The following SH2D4B variants were observed in gnomAD, a reference collection of about 807,000 sequenced individuals.
SH2D4B encodes SH2 domain-containing protein 4B.
SH2D4B carries 45 observed loss-of-function variants against 61.5 expected under a neutral mutation model. The ratio of observed to expected loss-of-function variants is 0.73; its 90% CI spans 0.58 to 0.94. The LOEUF (loss-of-function observed/expected upper bound fraction) is 0.94, where lower values mean the gene tolerates loss of function less well. Ranked by LOEUF, SH2D4B falls within the 40% of genes least tolerant of loss-of-function variation. The pLI, the probability that SH2D4B is intolerant of heterozygous loss-of-function variation, is 0.00. For synonymous variants in SH2D4B, 224 were observed against 220.4 expected (o/e 1.02, Z -0.14); for missense variants, 572 against 574.2 (o/e 1.00, Z 0.04).
Position 80,644,029 on chromosome 10 carries a change from C to T in SH2D4B, c.1246C>T (p.Gln416Ter). 6.2e-7 allele frequency: 1 copy of T among 1,613,912 alleles called. No individual in the cohort carries two copies. Among genetic ancestry groups the T allele is most frequent in the South Asian group, 1.1e-5 (1 of 91,066 alleles). Residue 416 changes from glutamine (Q) to a stop codon, truncating the protein, a stop_gained, in exon 8 of 8, where the codon CAG becomes TAG. Coordinates refer to ENST00000646907, the MANE Select transcript of SH2D4B (RefSeq NM_001388272.1). LOFTEE classifies it high-confidence loss of function. ...IITVSGGELLQEPCGQRDSPP... is the reference protein window; with the variant it reads ...IITVSGGELL ...CACTGTTTCAGGAGGAGAGTTACTT[C>T]AGGAACCCTGCGGACAGAGGGACAG...
At chr10:80,637,990 C>A (rs1286053108) in intron 7 of SH2D4B, among the ~76,000 whole-genome samples, 1 of 152,166 alleles carries the variant, frequency 6.6e-6, no homozygotes, top group Non-Finnish European at 1.5e-5. Context: ...GAGTTTTTAG[C>A]ATGAAGGGCT....
chr10:80,562,786 G>T (rs1325134714), intron 1 of SH2D4B, among the ~76,000 whole-genome samples: 1 of 149,294 alleles, frequency 6.7e-6, no homozygotes, highest in Non-Finnish European at 1.5e-5. Flanking sequence ...TTCCACATTT[G>T]TTACCTTTCA....
chr10:80,588,048 C>A (rs1210849097), intron 3 of SH2D4B, among the ~76,000 whole-genome samples: 1 of 152,092 alleles, frequency 6.6e-6, no homozygotes, highest in Non-Finnish European at 1.5e-5. Context: ...ACTAAAACAC[C>A]AGGGTTCCAT....
At chr10:80,565,037 G>T (rs529084108) in intron 1 of SH2D4B, among the ~76,000 whole-genome samples, 147 of 152,322 alleles carry the variant, frequency 9.7e-4, no homozygotes, top group Admixed American at 2.0e-3. Flanking sequence ...TTGGTCACAG[G>T]TTGGCATTTG....
Position 80,571,420 on chromosome 10 carries a change from T to C in SH2D4B, c.348-11T>C. 1.2e-6 allele frequency: 2 copies of C among 1,613,428 alleles called. No homozygotes were observed. Among genetic ancestry groups the C allele is most frequent in the Non-Finnish European group, 1.7e-6 (2 of 1,179,636 alleles). Reference sequence around the variant, plus strand: ...TCACACAAGCTTATACCTGTGGTGCTCTCTTGGTAGGAGACAGAAGGAGGC... The same window carrying C: ...TCACACAAGCTTATACCTGTGGTGCCCTCTTGGTAGGAGACAGAAGGAGGC... On this transcript the variant is annotated splice_polypyrimidine_tract_variant and intron_variant, in intron 2 of 7. Transcript: ENST00000646907.
chr10:80,631,747 A>G (rs989618668), intron 6 of SH2D4B, among the ~76,000 whole-genome samples: 5 of 147,230 alleles, frequency 3.4e-5, no homozygotes, highest in Admixed American at 1.4e-4. Flanking sequence ...TGTGGAATCT[A>G]AAAACATTGA....
chr10:80,566,573 T>C (rs118111066), intron 1 of SH2D4B, among the ~76,000 whole-genome samples: 3,640 of 152,134 alleles, frequency 0.024, 57 homozygotes, highest in Non-Finnish European at 0.037. Context: ...TGGGATTACA[T>C]GCGTGAGCCA....
intron 1 of SH2D4B, among the ~76,000 whole-genome samples, chr10:80,565,108 G>A (rs942269105): frequency 6.6e-6 from 1 of 152,166 alleles, no homozygotes; most frequent in African/African-American, 2.4e-5. Context: ...ATGGCCGCTG[G>A]GATTGGCCAA....
intron 5 of SH2D4B, among the ~76,000 whole-genome samples, chr10:80,604,235 C>G: frequency 6.6e-6 from 1 of 152,162 alleles, no homozygotes; most frequent in East Asian, 1.9e-4. Flanking sequence ...CAGTTTTTCT[C>G]CAATTGGAAT....
At position 80,600,521 on chromosome 10, in the gene SH2D4B, A is replaced by ATGTGTGTG. The variant is rs67885510; in HGVS notation, c.644-3033_644-3026dup. On this transcript the variant is annotated intron_variant, in intron 4 of 7. Coordinates refer to ENST00000646907, the MANE Select transcript of SH2D4B (RefSeq NM_001388272.1). Reference sequence around the variant, plus strand: ...TGGTGGAGCTACAGTGCAGAGTGGCATGTGTGTGTGTGTGTGTGTGTGTGT... The same window carrying ATGTGTGTG: ...TGGTGGAGCTACAGTGCAGAGTGGCATGTGTGTGTGTGTGTGTGTGTGTGTGTGTGTGT... Among the ~76,000 whole-genome samples the ATGTGTGTG allele has an allele frequency of 1.2e-3, 157 of 127,972 alleles. 1 individual carries two copies. Among genetic ancestry groups the ATGTGTGTG allele is most frequent in the South Asian group, 4.4e-3 (15 of 3,396 alleles). 84.0% of individuals were successfully genotyped at this position (127,972 alleles called of 152,430 possible). A position where few individuals can be genotyped will look rare whatever the true frequency, so the allele number is the denominator to read the frequency against.
chr10:80,577,578 C>T (rs1329920022), intron 3 of SH2D4B, among the ~76,000 whole-genome samples: 1 of 152,106 alleles, frequency 6.6e-6, no homozygotes, highest in East Asian at 1.9e-4. Flanking sequence ...AGGTGCCTGC[C>T]ACCACGCCCG....
chr10:80,563,992 A>C (rs1841937927), intron 1 of SH2D4B, among the ~76,000 whole-genome samples: 2 of 152,362 alleles, frequency 1.3e-5, no homozygotes, highest in South Asian at 4.1e-4. Context: ...TGCAATTAGT[A>C]GCTAAGCCCT....
intron 1 of SH2D4B, among the ~76,000 whole-genome samples, chr10:80,562,058 CACACAT>C (rs1477848312): frequency 6.6e-6 from 1 of 150,992 alleles, no homozygotes; most frequent in Admixed American, 6.6e-5. Context: ...CACACACACA[CACACAT>C]ATATAAAAAT....
chr10:80,587,351 G>A (rs941031982), intron 3 of SH2D4B, among the ~76,000 whole-genome samples: 2 of 151,924 alleles, frequency 1.3e-5, no homozygotes, highest in East Asian at 1.9e-4. Flanking sequence ...TGCGATCTCA[G>A]CTCACTGCAA....
intron 1 of SH2D4B, among the ~76,000 whole-genome samples, chr10:80,566,159 AGTTT>A (rs902102976): frequency 3.4e-5 from 5 of 148,822 alleles, no homozygotes; most frequent in African/African-American, 1.2e-4. Flanking sequence ...AGACTTATCC[AGTTT>A]GTTTGGAGAA....
At chr10:80,547,024 G>C (rs1487116919) in intron 1 of SH2D4B, among the ~76,000 whole-genome samples, 1 of 152,106 alleles carries the variant, frequency 6.6e-6, no homozygotes, top group Non-Finnish European at 1.5e-5. Flanking sequence ...CATCTCTCAA[G>C]ATTTATTTTT....
At chr10:80,569,869 C>T (rs1421896637) in intron 1 of SH2D4B, among the ~76,000 whole-genome samples, 4 of 152,156 alleles carry the variant, frequency 2.6e-5, no homozygotes, top group Non-Finnish European at 2.9e-5. Context: ...TAGTCATGCT[C>T]GGCCTCCTTT....
intron 1 of SH2D4B, among the ~76,000 whole-genome samples, chr10:80,551,114 G>A (rs940953991): frequency 3.3e-5 from 5 of 152,078 alleles, no homozygotes; most frequent in Non-Finnish European, 7.4e-5. Flanking sequence ...GTGTAGTGGC[G>A]CGATTTCGGC....
intron 6 of SH2D4B, among the ~76,000 whole-genome samples, chr10:80,622,286 T>A (rs932980808): frequency 1.3e-5 from 2 of 152,262 alleles, no homozygotes; most frequent in Admixed American, 6.5e-5. Context: ...ATGTATACAT[T>A]GTGTATATAT....
Sources: gnomAD v4.1 joint callset for allele counts (sites outside exome capture counted in the v4.1 genomes callset) on GRCh38, gnomAD v4.1.1 for gene constraint, MANE v1.5 for transcripts, NCBI Gene and HGNC (gene_info 2026-07-23, HGNC 2026-07-21) for gene names.